Variants in CNTNAP2 observed in about 807,000 individuals in gnomAD.
The protein encoded by CNTNAP2 is contactin associated protein 2, also known as contactin-associated protein-like 2.
CNTNAP2 carries 98 observed loss-of-function variants against 155.2 expected under a neutral mutation model. The observed-to-expected ratio is 0.63, with a 90% CI of 0.54 to 0.75. The LOEUF (loss-of-function observed/expected upper bound fraction) is 0.75. Ranked by LOEUF, CNTNAP2 falls within the 30% of genes least tolerant of loss-of-function variation. CNTNAP2 has a pLI of 0.00. For missense variants in CNTNAP2, 1,727 were observed against 1,688.1 expected (o/e 1.02, Z -0.40); for synonymous variants, 651 against 631.2 (o/e 1.03, Z -0.47).
chr7:147,521,523 GA>G (rs1799228623), intron 11 of CNTNAP2, among the ~76,000 whole-genome samples: 1 of 152,288 alleles, frequency 6.6e-6, no homozygotes, highest in Middle Eastern at 3.4e-3. Flanking sequence ...CCTGGCAAAG[GA>G]AGAGCCTGCC....
rs776531289 is a variant in CNTNAP2, at chr7:148,118,279, G to C, written c.2545G>C (p.Glu849Gln). Residue 849 changes from glutamate (E) to glutamine (Q), a missense_variant, in exon 16 of 24, where the codon GAG becomes CAG. Physicochemically the swap from Glu to Gln is conservative, Grantham distance 29. Transcript: ENST00000361727. Reference sequence around the variant, plus strand: ...GGGAAAGGAAGATTTCATCAAGCTGGAGCTGAAGTGTGAGTATAAGTTGCT... The same window carrying C: ...GGGAAAGGAAGATTTCATCAAGCTGCAGCTGAAGTGTGAGTATAAGTTGCT... ...NMGKEDFIKLELKSATEVSFS... is the reference protein window; with the variant it reads ...NMGKEDFIKLQLKSATEVSFS... 6.2e-7 allele frequency: 1 copy of C among 1,614,124 alleles called. No homozygotes were observed. The highest frequency in any genetic ancestry group is 8.5e-7 in the Non-Finnish European group (1 of 1,180,014).
chr7:146,692,474 C>T (rs913190065), intron 1 of CNTNAP2, among the ~76,000 whole-genome samples: 1 of 151,990 alleles, frequency 6.6e-6, no homozygotes. Context: ...ATTGGGCACA[C>T]AATTAGCAAA....
intron 1 of CNTNAP2, among the ~76,000 whole-genome samples, chr7:146,741,061 C>G (rs911360255): frequency 6.6e-6 from 1 of 151,994 alleles, no homozygotes; most frequent in Non-Finnish European, 1.5e-5. Context: ...CAGGAAAAAT[C>G]CTGTGCTCAC....
At chr7:146,985,344 G>A (rs1584766426) in intron 3 of CNTNAP2, among the ~76,000 whole-genome samples, 1 of 121,532 alleles carries the variant, frequency 8.2e-6, no homozygotes, top group East Asian at 2.1e-4. Flanking sequence ...TTTTGAGACA[G>A]TCTTGCTCTG....
chr7:147,133,226 G>T (rs1015782031), intron 8 of CNTNAP2, among the ~76,000 whole-genome samples: 5 of 152,064 alleles, frequency 3.3e-5, no homozygotes, highest in Admixed American at 2.6e-4. Flanking sequence ...TATAAGCAAA[G>T]AAAAATTAGT....
intron 13 of CNTNAP2, among the ~76,000 whole-genome samples, chr7:147,731,345 C>G (rs1438850752): frequency 1.3e-5 from 2 of 152,086 alleles, no homozygotes; most frequent in Non-Finnish European, 2.9e-5. Flanking sequence ...TATTCACTTA[C>G]TGTTCTGAAA....
At chr7:147,687,142 A>T (rs113722506) in intron 13 of CNTNAP2, among the ~76,000 whole-genome samples, 1,587 of 152,250 alleles carry the variant, frequency 0.01, 19 homozygotes, top group African/African-American at 0.036. Context: ...AATATGAACA[A>T]CTATTATCTA....
At chr7:146,346,945 A>AT (rs144249785) in intron 1 of CNTNAP2, among the ~76,000 whole-genome samples, 5,182 of 150,272 alleles carry the variant, frequency 0.034, 288 homozygotes, top group African/African-American at 0.12. Flanking sequence ...TTTTTATTTT[A>AT]TTTTTTTTTG....
chr7:146,753,477 A>G (rs903109568), intron 1 of CNTNAP2, among the ~76,000 whole-genome samples: 1 of 152,072 alleles, frequency 6.6e-6, no homozygotes, highest in South Asian at 2.1e-4. Flanking sequence ...ATGAAAGTTT[A>G]GATGATATTA....
At chr7:147,035,042 G>A (rs1014113759) in intron 3 of CNTNAP2, among the ~76,000 whole-genome samples, 2 of 152,134 alleles carry the variant, frequency 1.3e-5, no homozygotes, top group South Asian at 2.1e-4. Flanking sequence ...CTCCCATATC[G>A]CATTCTGTTT....
At chr7:146,959,531 C>G (rs1353960353) in intron 3 of CNTNAP2, among the ~76,000 whole-genome samples, 1 of 151,228 alleles carries the variant, frequency 6.6e-6, no homozygotes, top group Non-Finnish European at 1.5e-5. Flanking sequence ...ACCAGCCTGA[C>G]CAAAATGGTG....
chr7:148,366,504 C>A (rs879346828), intron 21 of CNTNAP2, among the ~76,000 whole-genome samples: 2 of 152,118 alleles, frequency 1.3e-5, no homozygotes, highest in African/African-American at 2.4e-5. Flanking sequence ...CTGTGTAAGA[C>A]TTTTATTTCA....
rs1320266534 is a variant in CNTNAP2, at chr7:147,469,520, TTTTTTTTTTTTTC to T, written c.1671-16413_1671-16401del. On this transcript the variant is annotated intron_variant, in intron 10 of 23. Transcript: ENST00000361727. ...GTCAGGCTGCAATTTTTTTTTTTTT[TTTTTTTTTTTTTC>T]TGTGAGACAAAGTCTCGCTCTGCCG... Among the ~76,000 whole-genome samples the T allele has an allele frequency of 9.9e-3, 818 of 82,528 alleles. 74 individuals carry two copies. Among genetic ancestry groups the T allele is most frequent in the East Asian group, 0.086 (270 of 3,148 alleles). The allele number at this position is 82,528 out of a possible 152,430, so 54.1% of individuals were successfully genotyped here. A position where few individuals can be genotyped will look rare whatever the true frequency, so the allele number is the denominator to read the frequency against.
chr7:146,163,531 A>C (rs550891341), intron 1 of CNTNAP2, among the ~76,000 whole-genome samples: 11 of 146,300 alleles, frequency 7.5e-5, no homozygotes, highest in East Asian at 5.9e-4. Context: ...ATATATCTAT[A>C]TATATCTATA....
chr7:146,927,356 A>G (rs1324107877), intron 3 of CNTNAP2, among the ~76,000 whole-genome samples: 1 of 152,162 alleles, frequency 6.6e-6, no homozygotes, highest in African/African-American at 2.4e-5. Context: ...GCAATTTATC[A>G]TTGACCATGA....
At position 148,369,796 on chromosome 7, in the gene CNTNAP2, G is replaced by A. The variant is rs543580998; in HGVS notation, c.3476-13853G>A. Among the ~76,000 whole-genome samples the A allele has an allele frequency of 1.4e-3, 206 of 152,088 alleles. 1 individual carries two copies. Among genetic ancestry groups the A allele is most frequent in the Non-Finnish European group, 2.1e-3 (142 of 68,012 alleles). ...ACATACTGGCCAAGTCCGGCTCTAC[G>A]CCCTGTGTGTACAGATATGTCTTCC... On this transcript the variant is annotated intron_variant, in intron 21 of 23. Transcript: ENST00000361727.
chr7:146,335,696 G>A (rs570705551), intron 1 of CNTNAP2, among the ~76,000 whole-genome samples: 2 of 152,018 alleles, frequency 1.3e-5, no homozygotes, highest in Non-Finnish European at 2.9e-5. Flanking sequence ...TTCTAACTCT[G>A]TAGCTTCTTT....
At chr7:147,404,910 T>A (rs1427015808) in intron 10 of CNTNAP2, among the ~76,000 whole-genome samples, 1 of 152,086 alleles carries the variant, frequency 6.6e-6, no homozygotes, top group Non-Finnish European at 1.5e-5. Flanking sequence ...ATATTCTTTT[T>A]TAAAAAAAGG....
chr7:147,886,063 C>T (rs952235817), intron 13 of CNTNAP2, among the ~76,000 whole-genome samples: 5 of 152,166 alleles, frequency 3.3e-5, no homozygotes, highest in Admixed American at 6.5e-5. Context: ...TTCTTTCTTC[C>T]TCTCCTGTTG....
Sources: gnomAD v4.1 joint callset for allele counts (sites outside exome capture counted in the v4.1 genomes callset) on GRCh38, gnomAD v4.1.1 for gene constraint, MANE v1.5 for transcripts, NCBI Gene and HGNC (gene_info 2026-07-23, HGNC 2026-07-21) for gene names.